Variants in MPP7 observed in about 807,000 individuals in gnomAD.
MPP7 encodes the protein MAGUK p55 subfamily member 7.
Under a neutral mutation model 76.5 loss-of-function variants are expected in MPP7, and 60 were observed. That is an observed-to-expected ratio of 0.78 (90% CI 0.64 to 0.97). MPP7 has a LOEUF of 0.97. Ranked by LOEUF, MPP7 falls within the 50% of genes least tolerant of loss-of-function variation. The pLI is 0.00. For synonymous variants in MPP7, 237 were observed against 244.5 expected (o/e 0.97, Z 0.29); for missense variants, 641 against 694.0 (o/e 0.92, Z 0.86).
At chr10:28,096,232 C>A (rs1207436691) in intron 11 of MPP7, among the ~76,000 whole-genome samples, 1 of 152,154 alleles carries the variant, frequency 6.6e-6, no homozygotes, top group Non-Finnish European at 1.5e-5. Flanking sequence ...CAGATCCTGT[C>A]CAAATGCTTC....
At chr10:28,106,305 C>T (rs78145151) in intron 11 of MPP7, among the ~76,000 whole-genome samples, 1,836 of 152,242 alleles carry the variant, frequency 0.012, 53 homozygotes, top group East Asian at 0.12. Flanking sequence ...ACCAGGATAC[C>T]TATCTACAGC....
At chr10:28,284,712 T>C (rs575111640) in intron 1 of MPP7, among the ~76,000 whole-genome samples, 3 of 152,234 alleles carry the variant, frequency 2.0e-5, no homozygotes, top group Non-Finnish European at 4.4e-5. Flanking sequence ...ATGGAATGAT[T>C]GTAACAAATC....
chr10:28,079,274 A>G (rs1436544344), intron 12 of MPP7, among the ~76,000 whole-genome samples: 3 of 152,178 alleles, frequency 2.0e-5, no homozygotes, highest in Admixed American at 2.0e-4. Context: ...CAGTTGATGC[A>G]TACAAGTTTT....
At chr10:28,286,876 A>G (rs1482841988) in intron 1 of MPP7, among the ~76,000 whole-genome samples, 1 of 152,158 alleles carries the variant, frequency 6.6e-6, no homozygotes, top group Non-Finnish European at 1.5e-5. Flanking sequence ...ATTGCATGAA[A>G]TCTCAACCCC....
rs1851382260 is a variant in MPP7 at position 28,052,073 on chromosome 10, T to A, written c.*1992A>T. 1 of 152,204 alleles carries A rather than the reference T, an allele frequency of 6.6e-6. No homozygotes were observed. Among genetic ancestry groups the A allele is most frequent in the South Asian group, 2.1e-4 (1 of 4,826 alleles). 9.4% of individuals were successfully genotyped at this position (152,204 alleles called of 1,614,324 possible). A position where few individuals can be genotyped will look rare whatever the true frequency, so the allele number is the denominator to read the frequency against. On this transcript the variant is annotated 3_prime_UTR_variant, in exon 17 of 17. Transcript: ENST00000683449. ...AAAAAGGACTCAGTTTCTCCCACTT[T>A]ACACTATATCTCTGTCCCCAAAGTA...
upstream of MPP7, chr10:28,305,451 C>T (rs929242429): frequency 6.6e-6 from 1 of 151,870 alleles, no homozygotes; most frequent in African/African-American, 2.4e-5. Context: ...AGGAATGGAT[C>T]TAGGAAGAAC....
intron 2 of MPP7, among the ~76,000 whole-genome samples, chr10:28,315,218 A>C (rs1381820709): frequency 7.3e-6 from 1 of 137,286 alleles, no homozygotes; most frequent in Non-Finnish European, 1.6e-5. Flanking sequence ...GATGGAAGGA[A>C]GGAAGGGAGG....
chr10:28,190,265 C>T (rs1011351358), intron 3 of MPP7, among the ~76,000 whole-genome samples: 2 of 151,726 alleles, frequency 1.3e-5, no homozygotes, highest in African/African-American at 2.4e-5. Context: ...TTGACAGATC[C>T]GGCAGGCAAA....
At chr10:28,222,631 T>A (rs1004750395) in intron 2 of MPP7, among the ~76,000 whole-genome samples, 2 of 151,940 alleles carry the variant, frequency 1.3e-5, no homozygotes, top group Non-Finnish European at 2.9e-5. Context: ...AGGCAGGCGG[T>A]CACGAGGTCA....
chr10:28,225,168 T>G (rs1481542748), intron 2 of MPP7, among the ~76,000 whole-genome samples: 1 of 152,076 alleles, frequency 6.6e-6, no homozygotes, highest in Non-Finnish European at 1.5e-5. Flanking sequence ...CATACAAAAA[T>G]TAGCTTAAAA....
At chr10:28,124,962 C>G (rs757382646) in intron 7 of MPP7, 48 bp downstream of exon 7, 3 of 1,491,372 alleles carry the variant, frequency 2.0e-6, no homozygotes, top group Non-Finnish European at 1.9e-6. Context: ...AAATGCTACA[C>G]ACGAAACACG....
At chr10:28,105,611 AAT>A (rs922092729) in intron 11 of MPP7, among the ~76,000 whole-genome samples, 3 of 152,176 alleles carry the variant, frequency 2.0e-5, no homozygotes, top group African/African-American at 7.2e-5. Context: ...AAATTCAAGC[AAT>A]CCTCCTGCCT....
At chr10:28,247,894 T>A (rs746063970) in intron 1 of MPP7, among the ~76,000 whole-genome samples, 8 of 152,204 alleles carry the variant, frequency 5.3e-5, no homozygotes, top group Non-Finnish European at 1.0e-4. Flanking sequence ...TTCAATAACC[T>A]CAATTTTTAT....
intron 3 of MPP7, among the ~76,000 whole-genome samples, chr10:28,193,651 A>G (rs749848782): frequency 6.6e-6 from 1 of 152,200 alleles, no homozygotes; most frequent in Non-Finnish European, 1.5e-5. Flanking sequence ...GGGAGAAAAT[A>G]TTTGCAAATA....
At chr10:28,088,726 C>T (rs1853140894) in intron 12 of MPP7, among the ~76,000 whole-genome samples, 1 of 152,154 alleles carries the variant, frequency 6.6e-6, no homozygotes, top group African/African-American at 2.4e-5. Flanking sequence ...ATATCTCTCG[C>T]TACATTTTTA....
chr10:28,103,060 G>C (rs76090726), intron 11 of MPP7, among the ~76,000 whole-genome samples: 196 of 152,256 alleles, frequency 1.3e-3, no homozygotes, highest in Middle Eastern at 3.4e-3. Flanking sequence ...CTGGTCTCTT[G>C]ACCCATCTTT....
At chr10:28,226,989 T>C (rs568047714) in intron 2 of MPP7, among the ~76,000 whole-genome samples, 2 of 152,220 alleles carry the variant, frequency 1.3e-5, no homozygotes, top group African/African-American at 2.4e-5. Flanking sequence ...AAGCTACTGA[T>C]ATGACAAACA....
chr10:28,125,288 T>C (rs1834982966), intron 6 of MPP7, among the ~76,000 whole-genome samples, 197 bp from the exon 7 acceptor site: 1 of 152,338 alleles, frequency 6.6e-6, no homozygotes, highest in East Asian at 1.9e-4. Context: ...GGAAATTCTA[T>C]CTACATAGCA....
In MPP7 at chr10:28,253,867, G is replaced by A. The variant is rs556099969; in HGVS notation, c.-131-15132C>T. Among the ~76,000 whole-genome samples the A allele has an allele frequency of 7.5e-4, 114 of 151,702 alleles. 1 individual carries two copies. Among genetic ancestry groups the A allele is most frequent in the Non-Finnish European group, 2.9e-4 (20 of 67,890 alleles). On this transcript the variant is annotated intron_variant, in intron 1 of 16. Transcript: ENST00000683449. ...AAAAATTAGCCGGGTATGGTCGGGG[G>A]CACCTGCAGTCCCAGCTACTAGGGA...
Sources: allele counts gnomAD v4.1 joint callset (sites outside exome capture counted in the v4.1 genomes callset), GRCh38; gene constraint gnomAD v4.1.1; transcripts MANE v1.5; gene names NCBI Gene and HGNC (gene_info 2026-07-23, HGNC 2026-07-21).